NFIC: variants seen among roughly 807,000 people sequenced by gnomAD.
NFIC encodes nuclear factor 1 C-type.
NFIC carries 12 observed loss-of-function variants against 54.4 expected under a neutral mutation model. That is an observed-to-expected ratio of 0.22 (90% CI 0.14 to 0.36). The LOEUF is 0.36. NFIC is among the 10% of genes least tolerant of loss of function. NFIC has a pLI of 1.00. For synonymous variants in NFIC, 322 were observed against 319.2 expected, an observed-to-expected ratio of 1.01 and a Z score of -0.09; for missense variants, 575 against 718.2, an observed-to-expected ratio of 0.80 and a Z score of 2.28.
chr19:3,417,499 T>TG (rs1221071525), intron 2 of NFIC, among the ~76,000 whole-genome samples: 53 of 152,190 alleles, frequency 3.5e-4, no homozygotes, highest in African/African-American at 1.2e-3. Context: ...GCTGTGGAAG[T>TG]TAGCCAGCCT....
At position 3,435,198 on chromosome 19, in the gene NFIC, A is replaced by G. The variant is rs1469820989; in HGVS notation, c.949A>G (p.Met317Val). 6 of 1,601,448 alleles carry G rather than the reference A, an allele frequency of 3.7e-6. No homozygotes were observed. Among genetic ancestry groups the G allele is most frequent in the African/African-American group, 2.7e-5 (2 of 74,750 alleles). ...TAGCAGCCGCAACTGGACGGAGGAC[A>G]TGGAAGGAGGTAGGGCTGGTGGCGG... ...TSSSRNWTED[M>V]EGGISSPVKK... The change falls in exon 6 of 11, where the codon ATG (methionine) becomes GTG (valine). Residue 317 changes from methionine to valine, a missense_variant. By Grantham distance (21) the Met-to-Val change is conservative (BLOSUM62 1). Coordinates refer to ENST00000443272, the MANE Select transcript of NFIC (RefSeq NM_001245002.2).
At chr19:3,433,619 G>T in intron 4 of NFIC, 27 bp downstream of exon 4, 1 of 1,610,200 alleles carries the variant, frequency 6.2e-7, no homozygotes. Flanking sequence ...GCCCTGAGCT[G>T]GGTCTTGGAG....
Position 3,381,602 on chromosome 19 carries a change from C to T in NFIC, c.31-110C>T, listed in dbSNP as rs2081209203. Reference sequence around the variant, plus strand: ...CTGCCCACCTCTGCCCAGCCCCTCCCACTCTGCGGGTCTGTTCAGGGCCCC... The same window carrying T: ...CTGCCCACCTCTGCCCAGCCCCTCCTACTCTGCGGGTCTGTTCAGGGCCCC... On this transcript the variant is annotated intron_variant, in intron 1 of 10. Coordinates refer to ENST00000443272, the MANE Select transcript of NFIC (RefSeq NM_001245002.2). The T allele has an allele frequency of 2.1e-6, 3 of 1,436,856 alleles. No homozygotes were observed. In the African/African-American group the frequency reaches 4.3e-5, roughly 20 times the overall value. The allele number at this position is 1,436,856 out of a possible 1,614,324, so 89.0% of individuals were successfully genotyped here. A position where few individuals can be genotyped will look rare whatever the true frequency, so the allele number is the denominator to read the frequency against.
In NFIC at chr19:3,452,488, C is replaced by T. The variant is rs2145683062; in HGVS notation, c.1091C>T (p.Ala364Val). The change falls in exon 8 of 11, where the codon GCC becomes GTC. Residue 364 changes from alanine (A) to valine (V), a missense_variant. By Grantham distance (64) the Ala-to-Val change is moderately conservative. Around this residue, in one of 3 missense-constraint regions of NFIC, gnomAD observed 447 missense variants for 526.9 expected, o/e 0.85. Coordinates refer to ENST00000443272, the MANE Select transcript of NFIC (RefSeq NM_001245002.2). The surrounding 1 kb of genome is among the most constrained non-coding windows in gnomAD (Gnocchi z 5.3). ...RPVIAVHSGI[A>V]RSPHPSSALH... ...CTTCCCACTGTCTCCGCAGGGATCGCCCGGAGCCCACACCCGTCCTCCGCT... is the reference window on the plus strand; with the variant it reads ...CTTCCCACTGTCTCCGCAGGGATCGTCCGGAGCCCACACCCGTCCTCCGCT... The T allele has an allele frequency of 6.2e-7, 1 of 1,611,682 alleles. No homozygotes were observed. Among genetic ancestry groups the T allele is most frequent in the Non-Finnish European group, 8.5e-7 (1 of 1,179,992 alleles).
Position 3,453,968 on chromosome 19 carries a change from C to A in NFIC, c.1423+52C>A. The A allele has an allele frequency of 6.9e-7, 1 of 1,451,618 alleles. No individual in the cohort carries two copies. Among genetic ancestry groups the A allele is most frequent in the African/African-American group, 1.5e-5 (1 of 68,392 alleles). The allele number at this position is 1,451,618 out of a possible 1,614,324, so 89.9% of individuals were successfully genotyped here. ...GTGGGGCGGATGTCCGCAGGGGGGC[C>A]TGTCCCCTCCCCAGCCCCACTGCCA... On this transcript the variant is annotated intron_variant, in intron 9 of 10. Coordinates refer to ENST00000443272, the MANE Select transcript of NFIC (RefSeq NM_001245002.2). The surrounding 1 kb of genome is among the most constrained non-coding windows in gnomAD (Gnocchi z 6.7).
chr19:3,383,981 G>A (rs1423957276), intron 2 of NFIC, among the ~76,000 whole-genome samples: 1 of 152,026 alleles, frequency 6.6e-6, no homozygotes, highest in African/African-American at 2.4e-5. Context: ...TGGTGCAAGG[G>A]TGAGACAGGG....
chr19:3,379,360 GTT>G (rs980186931), intron 1 of NFIC, among the ~76,000 whole-genome samples: 1 of 137,508 alleles, frequency 7.3e-6, no homozygotes, highest in Non-Finnish European at 1.6e-5. Flanking sequence ...GCCCAGCCGG[GTT>G]TTTTTTTTTT....
rs113744864 is a variant in NFIC at position 3,420,506 on chromosome 19, C to T, written c.563-4600C>T. 9.9e-5 allele frequency among the ~76,000 whole-genome samples: 15 copies of T among 151,302 alleles called. 4 individuals carry two copies. The highest frequency in any genetic ancestry group is 3.4e-3 in the Middle Eastern group (1 of 294). ...ATTGCAATGAGCTGGATCGTGCCACCGCACTCCAGTCCTGGCAACAAGAGA... is the reference window on the plus strand; with the variant it reads ...ATTGCAATGAGCTGGATCGTGCCACTGCACTCCAGTCCTGGCAACAAGAGA... On this transcript the variant is annotated intron_variant, in intron 2 of 10. Transcript: ENST00000443272.
At chr19:3,409,272 G>A (rs1354173716) in intron 2 of NFIC, among the ~76,000 whole-genome samples, 1 of 152,096 alleles carries the variant, frequency 6.6e-6, no homozygotes, top group Non-Finnish European at 1.5e-5. Context: ...GAACCTTTGT[G>A]GAACGCTTTC....
intron 5 of NFIC, 56 bp from the exon 6 acceptor site, chr19:3,435,027 G>T: frequency 2.7e-6 from 4 of 1,494,888 alleles, no homozygotes; most frequent in Middle Eastern, 1.8e-4. Flanking sequence ...CCGCCGTCGC[G>T]CCCCCCGCCC....
chr19:3,435,634 T>C (rs564255257), intron 6 of NFIC, among the ~76,000 whole-genome samples: 127 of 152,164 alleles, frequency 8.3e-4, no homozygotes, highest in Non-Finnish European at 9.0e-4. Flanking sequence ...TCCCTTCTCA[T>C]TGGGGTCCTT....
chr19:3,385,380 T>C (rs554177017), intron 2 of NFIC, among the ~76,000 whole-genome samples: 23 of 152,186 alleles, frequency 1.5e-4, no homozygotes, highest in African/African-American at 5.5e-4. Flanking sequence ...CAAAACTGGT[T>C]GCCTTGTGGG....
chr19:3,405,089 A>T (rs1156776698), intron 2 of NFIC, among the ~76,000 whole-genome samples: 1 of 152,240 alleles, frequency 6.6e-6, no homozygotes, highest in Non-Finnish European at 1.5e-5. Flanking sequence ...GTGGAAAGAA[A>T]AAAGAAACTT....
chr19:3,363,251 A>G (rs375381952), upstream of NFIC, among the ~76,000 whole-genome samples: 1,564 of 17,276 alleles, frequency 0.091, 60 homozygotes, highest in African/African-American at 0.12. Flanking sequence ...GTATATATAT[A>G]TATATATATA....
rs556616330 is a variant in NFIC at position 3,464,399 on chromosome 19, C to T, written c.*1630C>T. On this transcript the variant is annotated 3_prime_UTR_variant, in exon 11 of 11. Coordinates refer to ENST00000443272, the MANE Select transcript of NFIC (RefSeq NM_001245002.2). ...AAGCTGGGGACGCCAGGTGCCCCCC[C>T]ACCCCGGCTCCCTGGCCCTATCCAC... The T allele has an allele frequency of 6.1e-6, 6 of 984,248 alleles. No individual in the cohort carries two copies. Among genetic ancestry groups the T allele is most frequent in the East Asian group, 2.3e-4 (2 of 8,784 alleles). The allele number at this position is 984,248 out of a possible 1,614,324, so 61.0% of individuals were successfully genotyped here.
intron 1 of NFIC, among the ~76,000 whole-genome samples, chr19:3,379,673 CTTTTTTTTTTTTTT>C (rs370082450): frequency 2.0e-5 from 2 of 102,538 alleles, no homozygotes; most frequent in African/African-American, 9.3e-5. Flanking sequence ...TTATTTCTTT[CTTTTTTTTTTTTTT>C]TTTTTTTTTG....
upstream of NFIC, among the ~76,000 whole-genome samples, chr19:3,362,549 G>A (rs1046270856): frequency 3.3e-5 from 5 of 151,968 alleles, no homozygotes; most frequent in African/African-American, 4.8e-5. Context: ...GTATGTAGCT[G>A]TGTGTCGTGT....
Position 3,463,616 on chromosome 19 carries a change from C to T in NFIC, c.*847C>T. ...GAGGAGAAGTCTCTATGCAATTGGC[C>T]CCGGCCCCTCCACCCCCCACCCCCG... On this transcript the variant is annotated 3_prime_UTR_variant, in exon 11 of 11. Transcript: ENST00000443272. 8 of 933,926 alleles carry T rather than the reference C, an allele frequency of 8.6e-6. No homozygotes were observed. Among genetic ancestry groups the T allele is most frequent in the Non-Finnish European group, 1.0e-5 (8 of 783,722 alleles). The allele number at this position is 933,926 out of a possible 1,614,324, so 57.9% of individuals were successfully genotyped here.
In NFIC at chr19:3,375,387, C is replaced by T. The variant is rs778825728; in HGVS notation, c.31-6325C>T. On this transcript the variant is annotated intron_variant, in intron 1 of 10. Coordinates refer to ENST00000443272, the MANE Select transcript of NFIC (RefSeq NM_001245002.2). This position sits in a 1 kb window ranked among gnomAD's most constrained non-coding sequence, Gnocchi z 4.6. Reference sequence around the variant, plus strand: ...TGTGCCCCCCACCACCCCCACTGCCCGGCTTCCCTGGCCAGACCATCTGGG... The same window carrying T: ...TGTGCCCCCCACCACCCCCACTGCCTGGCTTCCCTGGCCAGACCATCTGGG... Among the ~76,000 whole-genome samples, 3 of 152,220 alleles carry T rather than the reference C, an allele frequency of 2.0e-5. No individual in the cohort carries two copies. Among genetic ancestry groups the T allele is most frequent in the South Asian group, 2.1e-4 (1 of 4,832 alleles).
Sources: allele counts gnomAD v4.1 joint callset (sites outside exome capture counted in the v4.1 genomes callset), GRCh38; gene constraint gnomAD v4.1.1; regional missense constraint gnomAD v4.1.1; non-coding constraint Gnocchi (gnomAD v3.1); transcripts MANE v1.5; gene names NCBI Gene and HGNC (gene_info 2026-07-23, HGNC 2026-07-21).